The following LARGE1 variants were observed in gnomAD, a reference collection of about 807,000 sequenced individuals.
The protein encoded by LARGE1 is LARGE xylosyl- and glucuronyltransferase 1, also known as xylosyl- and glucuronyltransferase LARGE1.
LARGE1 carries 43 observed loss-of-function variants against 87.6 expected under a neutral mutation model. That is an observed-to-expected ratio of 0.49 (90% confidence interval 0.38 to 0.63). LARGE1 has a LOEUF of 0.63. Among genes scored for constraint, LARGE1 ranks in the 30% least tolerant of loss-of-function variants. LARGE1 has a pLI of 0.00. For missense variants in LARGE1, 802 were observed against 1,000.2 expected, an observed-to-expected ratio of 0.80 and a Z score of 2.67; for synonymous variants, 434 against 394.6, an observed-to-expected ratio of 1.10 and a Z score of -1.18.
At chr22:33,359,278 G>A (rs1322591799) in intron 9 of LARGE1, among the ~76,000 whole-genome samples, 1 of 152,132 alleles carries the variant, frequency 6.6e-6, no homozygotes, top group Non-Finnish European at 1.5e-5. Flanking sequence ...TGGAATCTCA[G>A]CTCTGTCATA....
chr22:33,901,050 A>C (rs1372616967), intron 1 of LARGE1, among the ~76,000 whole-genome samples: 1 of 152,124 alleles, frequency 6.6e-6, no homozygotes, highest in Non-Finnish European at 1.5e-5. Flanking sequence ...TCTGTCTCAG[A>C]AAAAAAGGGA....
chr22:33,269,772 G>A (rs900689136), downstream of LARGE1, among the ~76,000 whole-genome samples: 2 of 152,094 alleles, frequency 1.3e-5, no homozygotes, highest in East Asian at 1.9e-4. Context: ...TTGGGAGGCC[G>A]AGGTGGGCGG....
chr22:33,861,942 T>C (rs1290420098), intron 1 of LARGE1, among the ~76,000 whole-genome samples: 8 of 141,042 alleles, frequency 5.7e-5, no homozygotes, highest in Admixed American at 2.3e-4. Context: ...CACTGCAACC[T>C]CTGTCTCCTG....
At chr22:33,898,873 T>G (rs1320543053) in intron 1 of LARGE1, among the ~76,000 whole-genome samples, 3 of 152,350 alleles carry the variant, frequency 2.0e-5, no homozygotes, top group Admixed American at 2.0e-4. Flanking sequence ...TGTTCCCTCC[T>G]GCCTCCTCAT....
At chr22:33,186,492 C>A (rs1433192774) in intron 11 of LARGE1, among the ~76,000 whole-genome samples, 1 of 152,076 alleles carries the variant, frequency 6.6e-6, no homozygotes, top group Non-Finnish European at 1.5e-5. Context: ...AAAGCTTCCA[C>A]TACAATCTGA....
chr22:33,160,142 T>C (rs2227079), downstream of LARGE1, among the ~76,000 whole-genome samples: 20,546 of 152,242 alleles, frequency 0.13, 1,410 homozygotes, highest in Middle Eastern at 0.21. Flanking sequence ...AGCTTTACAT[T>C]ACAGTTGTAG....
intron 10 of LARGE1, among the ~76,000 whole-genome samples, chr22:33,325,057 C>T (rs940098058): frequency 2.0e-5 from 3 of 152,210 alleles, no homozygotes; most frequent in South Asian, 2.1e-4. Context: ...TTATACAATG[C>T]GCGAACAGAG....
chr22:33,336,788 G>A (rs1261958036), intron 10 of LARGE1, among the ~76,000 whole-genome samples: 9 of 152,038 alleles, frequency 5.9e-5, no homozygotes, highest in East Asian at 1.9e-4. Context: ...CTGGCCGGGC[G>A]CGGTGGCTCA....
At chr22:33,581,755 T>C (rs934157220) in intron 5 of LARGE1, among the ~76,000 whole-genome samples, 1 of 144,244 alleles carries the variant, frequency 6.9e-6, no homozygotes, top group Non-Finnish European at 1.5e-5. Flanking sequence ...GAGGTTGCAG[T>C]GAGCCGAGAT....
intron 11 of LARGE1, among the ~76,000 whole-genome samples, chr22:33,190,921 C>T (rs79409349): frequency 0.032 from 4,829 of 152,256 alleles, 263 homozygotes; most frequent in African/African-American, 0.11. Context: ...TTCCCATATT[C>T]GGTAAAACTC....
chr22:33,712,178 C>T (rs1249557435), intron 2 of LARGE1, among the ~76,000 whole-genome samples: 1 of 152,042 alleles, frequency 6.6e-6, no homozygotes, highest in African/African-American at 2.4e-5. Context: ...ACCACTACCA[C>T]TATCCCATTT....
intron 3 of LARGE1, among the ~76,000 whole-genome samples, chr22:33,642,202 G>A (rs1363072238): frequency 1.3e-5 from 2 of 152,188 alleles, no homozygotes; most frequent in African/African-American, 4.8e-5. Context: ...AACCCTACAA[G>A]CCAGAATAGA....
intron 6 of LARGE1, among the ~76,000 whole-genome samples, chr22:33,557,875 C>T (rs1305673606): frequency 2.6e-5 from 4 of 152,062 alleles, no homozygotes; most frequent in Non-Finnish European, 5.9e-5. Context: ...CCCAGGAGAA[C>T]TTCTAAAGGC....
chr22:33,199,873 G>A lies in LARGE1; in HGVS notation c.1731-33041C>T, dbSNP rs779184816. Among the ~76,000 whole-genome samples the A allele has an allele frequency of 3.2e-4, 48 of 149,650 alleles. No homozygotes were observed. The East Asian group carries it at 8.6e-3, about 27-fold the overall frequency. On this transcript the variant is annotated intron_variant, in intron 11 of 11. Transcript: ENST00000608642. ...TTTTTTTTTTCTTTTTTTTTGAGAC[G>A]GAGTCTTACTCTGTCGCCCAGGCTG...
At chr22:33,453,485 G>A (rs2068018847) in intron 6 of LARGE1, among the ~76,000 whole-genome samples, 1 of 152,128 alleles carries the variant, frequency 6.6e-6, no homozygotes, top group African/African-American at 2.4e-5. Context: ...ATCTCCCAGG[G>A]AGTGACCAAA....
intron 1 of LARGE1, among the ~76,000 whole-genome samples, chr22:33,887,218 G>C (rs866873674): frequency 6.6e-6 from 1 of 152,286 alleles, no homozygotes; most frequent in Middle Eastern, 3.4e-3. Flanking sequence ...ATTATTAGAA[G>C]GTGGGGCCTT....
intron 6 of LARGE1, among the ~76,000 whole-genome samples, chr22:33,467,803 C>G (rs1177394993): frequency 6.6e-6 from 1 of 152,166 alleles, no homozygotes. Context: ...TGCTCCGGCT[C>G]TAACATCTGG....
At chr22:33,689,175 C>G (rs966647320) in intron 2 of LARGE1, among the ~76,000 whole-genome samples, 79 of 150,926 alleles carry the variant, frequency 5.2e-4, no homozygotes, top group African/African-American at 1.9e-3. Flanking sequence ...CTCCCCCCTC[C>G]TGTGTGTGTA....
intron 2 of LARGE1, among the ~76,000 whole-genome samples, chr22:33,664,135 A>G (rs576147709): frequency 5.7e-4 from 87 of 152,212 alleles, no homozygotes; most frequent in Non-Finnish European, 9.1e-4. Context: ...AGGCTGAATC[A>G]CCTGTGCTTC....
Sources: gnomAD v4.1 joint callset for allele counts (sites outside exome capture counted in the v4.1 genomes callset) on GRCh38, gnomAD v4.1.1 for gene constraint, MANE v1.5 for transcripts, NCBI Gene and HGNC (gene_info 2026-07-23, HGNC 2026-07-21) for gene names.